KDM4B: variants seen among roughly 807,000 people sequenced by gnomAD.
The protein encoded by KDM4B is lysine demethylase 4B.
KDM4B carries 32 observed loss-of-function variants against 125.2 expected under a neutral mutation model. The ratio of observed to expected loss-of-function variants is 0.26; its 90% CI spans 0.19 to 0.34. The LOEUF is 0.34. KDM4B is among the 10% of genes least tolerant of loss of function. The pLI is 1.00. For synonymous variants in KDM4B, 721 were observed against 677.9 expected (o/e 1.06, Z -0.99); for missense variants, 1,190 against 1,577.7 (o/e 0.75, Z 4.16).
At chr19:5,090,748 A>G (rs1031858669) in intron 9 of KDM4B, among the ~76,000 whole-genome samples, 3 of 134,356 alleles carry the variant, frequency 2.2e-5, no homozygotes, top group Non-Finnish European at 4.7e-5. Context: ...TGACTTTGCC[A>G]AGGTCACACA....
At chr19:5,139,640 TG>T (rs2039707395) in intron 18 of KDM4B, among the ~76,000 whole-genome samples, 2 of 152,218 alleles carry the variant, frequency 1.3e-5, no homozygotes, top group African/African-American at 4.8e-5. Flanking sequence ...GGTCTCGCTA[TG>T]GTTTGATTTG....
intron 9 of KDM4B, among the ~76,000 whole-genome samples, chr19:5,089,935 G>GC (rs1353475702): frequency 6.6e-6 from 1 of 152,150 alleles, no homozygotes; most frequent in African/African-American, 2.4e-5. Context: ...ATTTAGGGAG[G>GC]CCGAGGTAGG....
Position 5,033,021 on chromosome 19 carries a change from G to T in KDM4B, c.131G>T (p.Gly44Val). The T allele has an allele frequency of 6.2e-7, 1 of 1,613,594 alleles. No individual in the cohort carries two copies. Among genetic ancestry groups the T allele is most frequent in the Non-Finnish European group, 8.5e-7 (1 of 1,179,894 alleles). The stretch of plus-strand genomic sequence containing the variant: ...GAGTCGCAGGGAGCCCACCGGGCGG[G>T]CCTGGCCAAGGTGGGTGACATCCTG... ...YIESQGAHRA[G>V]LAKIIPPKEW... Residue 44 changes from glycine (G) to valine (V), a missense_variant, in exon 3 of 23, where the codon GGC becomes GTC. By Grantham distance (109) the Gly-to-Val change is moderately radical. Transcript: ENST00000159111.
rs550877697 is a variant in KDM4B, at chr19:5,113,992, G to A, written c.1115+3174G>A. On this transcript the variant is annotated intron_variant, in intron 10 of 22. Transcript: ENST00000159111. ...TGGGTCTCTTCCAGAACTAAATCTC[G>A]TTGAGCGAGCGTTGGGGGCTGTTTG... 8.1e-5 allele frequency: 101 copies of A among 1,253,634 alleles called. No homozygotes were observed. The African/African-American group carries it at 9.3e-4, about 11-fold the overall frequency. The allele number at this position is 1,253,634 out of a possible 1,614,324, so 77.7% of individuals were successfully genotyped here.
chr19:5,081,442 G>A lies in KDM4B; in HGVS notation c.781-925G>A, dbSNP rs2038290964. Among the ~76,000 whole-genome samples, 1 of 152,162 alleles carries A rather than the reference G, an allele frequency of 6.6e-6. No homozygotes were observed. Among genetic ancestry groups the A allele is most frequent in the Admixed American group, 6.5e-5 (1 of 15,286 alleles). On this transcript the variant is annotated intron_variant, in intron 8 of 22. Coordinates refer to ENST00000159111, the MANE Select transcript of KDM4B (RefSeq NM_015015.3). This position sits in a 1 kb window ranked among gnomAD's most constrained non-coding sequence, Gnocchi z 4.2. Reference sequence around the variant, plus strand: ...AGGGTTCCTAGGGCACAAGGCTGTAGCCCCCCAGCCCTGGTAGGCAGCCCT... The same window carrying A: ...AGGGTTCCTAGGGCACAAGGCTGTAACCCCCCAGCCCTGGTAGGCAGCCCT...
chr19:5,071,785 C>T lies in KDM4B; in HGVS notation c.676+726C>T, dbSNP rs563521877. 1.3e-4 allele frequency among the ~76,000 whole-genome samples: 20 copies of T among 152,132 alleles called. No individual in the cohort carries two copies. The South Asian group carries it at 3.1e-3, about 24-fold the overall frequency. ...TTGGGCAGGGTCCCCATGTCAGCGC[C>T]GGCATCACAGCACAACAGGGGTGCA... is the stretch of plus-strand genomic sequence containing the variant. On this transcript the variant is annotated intron_variant, in intron 7 of 22. Coordinates refer to ENST00000159111, the MANE Select transcript of KDM4B (RefSeq NM_015015.3).
At chr19:5,144,458 A>G (rs2039805631) in intron 20 of KDM4B, 46 bp downstream of exon 20, 2 of 1,444,282 alleles carry the variant, frequency 1.4e-6, no homozygotes, top group East Asian at 5.4e-5. Context: ...CTGGGAGCAC[A>G]GCGACAACCT....
At chr19:5,111,740 A>G (rs1348253070) in intron 10 of KDM4B, 1 of 764,676 alleles carries the variant, frequency 1.3e-6, no homozygotes, top group African/African-American at 1.7e-5. Context: ...GGGAAGGGCC[A>G]GAGAGCAAAC....
intron 21 of KDM4B, among the ~76,000 whole-genome samples, chr19:5,146,763 C>G (rs1034010351): frequency 4.4e-5 from 6 of 136,022 alleles, no homozygotes; most frequent in African/African-American, 1.3e-4. Context: ...CCCCCCCCCC[C>G]CCACAATCTC....
chr19:5,031,531 G>A (rs369162377), intron 2 of KDM4B, among the ~76,000 whole-genome samples: 26 of 152,354 alleles, frequency 1.7e-4, no homozygotes, highest in East Asian at 1.5e-3. Context: ...GGAGCTGTGC[G>A]GTTTTGTCAA....
In KDM4B at chr19:5,133,959, G is replaced by A. The variant is rs1317807286; in HGVS notation, c.1983G>A (p.Lys661=). ...GGCCGCTGCTGTCTCTGCAGTGGAAGAACAGGGCGGCCAGCTTCCAGGCCG... is the reference window on the plus strand; with the variant it reads ...GGCCGCTGCTGTCTCTGCAGTGGAAAAACAGGGCGGCCAGCTTCCAGGCCG... ...ALRPLLSLQW[K]NRAASFQAER... is the part of the protein sequence containing the mutation. The change falls in exon 14 of 23, where the codon AAG becomes AAA. Residue 661 remains lysine (K), a synonymous_variant. Coordinates refer to ENST00000159111, the MANE Select transcript of KDM4B (RefSeq NM_015015.3). The A allele has an allele frequency of 6.2e-7, 1 of 1,612,986 alleles. No individual in the cohort carries two copies. The highest frequency in any genetic ancestry group is 8.5e-7 in the Non-Finnish European group (1 of 1,179,960).
At chr19:5,129,977 A>G (rs1281006670) in intron 11 of KDM4B, among the ~76,000 whole-genome samples, 3 of 152,352 alleles carry the variant, frequency 2.0e-5, no homozygotes, top group Admixed American at 2.0e-4. Flanking sequence ...CGCTGGGCTC[A>G]CATGGAGCTG....
At chr19:5,144,703 C>T (rs990756624) in intron 20 of KDM4B, 80 bp from the exon 21 acceptor site, 213 of 1,568,202 alleles carry the variant, frequency 1.4e-4, no homozygotes, top group Non-Finnish European at 1.6e-4. Context: ...CACTTGCCAG[C>T]GCGGAGAGGG....
intron 6 of KDM4B, among the ~76,000 whole-genome samples, chr19:5,061,572 C>T (rs2037598539): frequency 6.6e-6 from 1 of 152,210 alleles, no homozygotes; most frequent in South Asian, 2.1e-4. Context: ...AAGATTTTTC[C>T]AGTAGAAACA....
chr19:5,030,929 G>A (rs2036432937), intron 2 of KDM4B, among the ~76,000 whole-genome samples: 1 of 152,246 alleles, frequency 6.6e-6, no homozygotes, highest in Admixed American at 6.5e-5. Flanking sequence ...GGGACCAGTA[G>A]GAGGCCTGAG....
At chr19:4,972,347 C>T (rs1319308542) in intron 1 of KDM4B, among the ~76,000 whole-genome samples, 2 of 152,334 alleles carry the variant, frequency 1.3e-5, no homozygotes, top group East Asian at 1.9e-4. Context: ...ACCTCCCTCC[C>T]AGGTGGTTGT....
chr19:5,136,820 G>A (rs765624886), intron 15 of KDM4B, among the ~76,000 whole-genome samples: 13 of 152,194 alleles, frequency 8.5e-5, no homozygotes, highest in African/African-American at 1.9e-4. Context: ...GGCATGATTC[G>A]GCCTTTTGTG....
At position 5,151,331 on chromosome 19, in the gene KDM4B, G is replaced by A. The variant is rs372249662; in HGVS notation, c.3115-4G>A. The A allele has an allele frequency of 3.8e-4, 588 of 1,535,266 alleles. 4 individuals are homozygous for A. In the South Asian group the frequency reaches 6.0e-3, roughly 16 times the overall value. Reference sequence around the variant, plus strand: ...CTAACCACTGTGCTTCCGCTCTCCCGCAGTCACTGAGCACGGGGGCACCGC... The same window carrying A: ...CTAACCACTGTGCTTCCGCTCTCCCACAGTCACTGAGCACGGGGGCACCGC... On this transcript the variant is annotated splice_polypyrimidine_tract_variant and splice_region_variant and intron_variant, in intron 22 of 22. Coordinates refer to ENST00000159111, the MANE Select transcript of KDM4B (RefSeq NM_015015.3).
At chr19:5,149,354 G>A (rs967264568) in intron 21 of KDM4B, among the ~76,000 whole-genome samples, 6 of 152,202 alleles carry the variant, frequency 3.9e-5, no homozygotes, top group African/African-American at 1.2e-4. Flanking sequence ...ATTTTGAGAC[G>A]GGGTCTTGAT....
Sources: allele counts gnomAD v4.1 joint callset (sites outside exome capture counted in the v4.1 genomes callset), GRCh38; gene constraint gnomAD v4.1.1; non-coding constraint Gnocchi (gnomAD v3.1); transcripts MANE v1.5; gene names NCBI Gene and HGNC (gene_info 2026-07-23, HGNC 2026-07-21).